Variants in UBAP1 observed in about 807,000 individuals in gnomAD.
The protein encoded by UBAP1 is ubiquitin-associated protein 1.
In UBAP1, 5 loss-of-function variants were observed where a neutral mutation model predicts 39.0. That is an observed-to-expected ratio of 0.13 (90% CI 0.07 to 0.27). UBAP1 has a LOEUF of 0.27. Ranked by LOEUF, UBAP1 falls within the 10% of genes least tolerant of loss-of-function variation. The pLI is 1.00. For synonymous variants in UBAP1, 211 were observed against 225.1 expected (o/e 0.94, Z 0.56); for missense variants, 490 against 608.1 (o/e 0.81, Z 2.04).
intron 3 of UBAP1, among the ~76,000 whole-genome samples, chr9:34,238,841 C>T (rs1479739492): frequency 6.6e-6 from 1 of 152,156 alleles, no homozygotes; most frequent in Non-Finnish European, 1.5e-5. Flanking sequence ...CACTGCTTTA[C>T]TGATGCCTTC....
chr9:34,183,202 T>C (rs1381657869), intron 1 of UBAP1, among the ~76,000 whole-genome samples: 1 of 152,194 alleles, frequency 6.6e-6, no homozygotes, highest in Non-Finnish European at 1.5e-5. Context: ...TGGTTTTCTT[T>C]AGACAGTCTT....
intron 1 of UBAP1, among the ~76,000 whole-genome samples, chr9:34,192,515 CA>C (rs4008753): frequency 0.018 from 1,912 of 107,310 alleles, 29 homozygotes; most frequent in African/African-American, 0.06. Flanking sequence ...GACTCCATCT[CA>C]AAAAAAAAAA....
chr9:34,194,856 T>C (rs1431797480), intron 1 of UBAP1, among the ~76,000 whole-genome samples: 2 of 152,212 alleles, frequency 1.3e-5, no homozygotes, highest in Admixed American at 6.5e-5. Context: ...ATACCAACTT[T>C]AGTAACACTG....
intron 1 of UBAP1, among the ~76,000 whole-genome samples, chr9:34,183,469 C>T (rs1036801896): frequency 6.6e-5 from 10 of 150,836 alleles, no homozygotes; most frequent in African/African-American, 1.2e-4. Flanking sequence ...GGCGTGAACC[C>T]GGCCACTCCA....
chr9:34,183,403 G>A (rs1241884287), intron 1 of UBAP1, among the ~76,000 whole-genome samples: 1 of 151,544 alleles, frequency 6.6e-6, no homozygotes. Flanking sequence ...AAATTAGCCG[G>A]GCGTGGTGGT....
rs1352367557 is a variant in UBAP1, at chr9:34,183,792, C to T, written c.-8+4552C>T. On this transcript the variant is annotated intron_variant, in intron 1 of 6. Transcript: ENST00000297661. The stretch of plus-strand genomic sequence containing the variant: ...TGTTTTTTGTTTTTTTTTTTTGAAA[C>T]GGAGCTTTGCTCTTGTTGCCCAGGC... Among the ~76,000 whole-genome samples the T allele has an allele frequency of 4.3e-5, 6 of 140,152 alleles. No homozygotes were observed. In the East Asian group the frequency reaches 6.4e-4, roughly 15 times the overall value. 91.9% of individuals were successfully genotyped at this position (140,152 alleles called of 152,430 possible). A position where few individuals can be genotyped will look rare whatever the true frequency, so the allele number is the denominator to read the frequency against.
intron 4 of UBAP1, among the ~76,000 whole-genome samples, chr9:34,246,228 G>A (rs1834171953): frequency 6.6e-6 from 1 of 152,114 alleles, no homozygotes; most frequent in African/African-American, 2.4e-5. Context: ...CACCACACCT[G>A]GCTAACTTTT....
At position 34,189,097 on chromosome 9, in the gene UBAP1, G is replaced by T. The variant is rs76533137; in HGVS notation, c.-8+9857G>T. On this transcript the variant is annotated intron_variant, in intron 1 of 6. Coordinates refer to ENST00000297661, the MANE Select transcript of UBAP1 (RefSeq NM_016525.5). Reference sequence around the variant, plus strand: ...TTCCTAATCCTAAAATCTTTCTATAGTTTGGGAGTGTTAACATTTCCTTCA... The same window carrying T: ...TTCCTAATCCTAAAATCTTTCTATATTTTGGGAGTGTTAACATTTCCTTCA... 1.9e-3 allele frequency among the ~76,000 whole-genome samples: 287 copies of T among 152,074 alleles called. 9 individuals carry two copies. In the East Asian group the frequency reaches 0.046, roughly 24 times the overall value.
rs1407561949 is a variant in UBAP1, at chr9:34,250,687, G to A, written c.1296G>A (p.Gln432=). The A allele has an allele frequency of 2.5e-6, 4 of 1,613,634 alleles. No homozygotes were observed. The Admixed American group carries it at 5.0e-5, about 20-fold the overall frequency. ...QILDYLFAHG[Q]LCEKGFDPLL... Reference sequence around the variant, plus strand: ...TCGACTATCTCTTTGCACATGGACAGCTTTGTGAGAAGGGCTTCGACCCTC... The same window carrying A: ...TCGACTATCTCTTTGCACATGGACAACTTTGTGAGAAGGGCTTCGACCCTC... Residue 432 remains glutamine, a synonymous_variant, in exon 6 of 7, where the codon CAG becomes CAA. Transcript: ENST00000297661.
chr9:34,213,928 C>CAA (rs551770576), intron 1 of UBAP1, among the ~76,000 whole-genome samples: 19,345 of 141,978 alleles, frequency 0.14, 1,331 homozygotes, highest in East Asian at 0.23. Context: ...ACAACAGCTG[C>CAA]AAAAAAAAAA....
chr9:34,209,994 G>A (rs1831927521), intron 1 of UBAP1, among the ~76,000 whole-genome samples: 2 of 152,114 alleles, frequency 1.3e-5, no homozygotes, highest in Admixed American at 1.3e-4. Context: ...TTTCCACAAT[G>A]TCAGGGCCTA....
chr9:34,249,915 A>T lies in UBAP1; in HGVS notation c.1220A>T (p.Glu407Val), dbSNP rs778956133. Residue 407 changes from glutamate to valine, a missense_variant, in exon 5 of 7, where the codon GAG (glutamate) becomes GTG (valine). Physicochemically the swap from Glu to Val is moderately radical, Grantham distance 121. This residue lies in a region of UBAP1 where 339 missense variants were observed against 390.0 expected (regional missense o/e 0.87). Transcript: ENST00000297661. ...ETVVNMGYSYECVLRAMKKKG... is the reference protein window; with the variant it reads ...ETVVNMGYSYVCVLRAMKKKG... ...GTGGTCAACATGGGCTACTCGTACG[A>T]GTGTGTCCTCAGAGCCATGAAGAAG... 1.9e-6 allele frequency: 3 copies of T among 1,614,204 alleles called. No individual in the cohort carries two copies. In the South Asian group the frequency reaches 3.3e-5, roughly 18 times the overall value.
chr9:34,187,180 T>C (rs1830451723), intron 1 of UBAP1, among the ~76,000 whole-genome samples: 1 of 152,262 alleles, frequency 6.6e-6, no homozygotes, highest in South Asian at 2.1e-4. Context: ...AGTGCTGGGA[T>C]TACAGGCGTG....
chr9:34,219,303 G>T (rs999478197), intron 1 of UBAP1, among the ~76,000 whole-genome samples: 1 of 151,928 alleles, frequency 6.6e-6, no homozygotes, highest in Non-Finnish European at 1.5e-5. Context: ...GCCCAGGCTG[G>T]TCTTCGAACT....
At chr9:34,180,991 G>T (rs1448619999) in intron 1 of UBAP1, among the ~76,000 whole-genome samples, 1 of 151,522 alleles carries the variant, frequency 6.6e-6, no homozygotes, top group East Asian at 1.9e-4. Flanking sequence ...TTGTATTTTA[G>T]TAGAGACGGG....
At chr9:34,190,565 C>T (rs1283653424) in intron 1 of UBAP1, among the ~76,000 whole-genome samples, 1 of 151,918 alleles carries the variant, frequency 6.6e-6, no homozygotes, top group Admixed American at 6.6e-5. Context: ...GCTGGGATTA[C>T]AGACTTGAGC....
intron 2 of UBAP1, among the ~76,000 whole-genome samples, chr9:34,225,267 G>A (rs1015239858): frequency 6.6e-6 from 1 of 151,960 alleles, no homozygotes; most frequent in African/African-American, 2.4e-5. Flanking sequence ...GTGCTGTGCT[G>A]TCTTTGACTA....
intron 1 of UBAP1, among the ~76,000 whole-genome samples, chr9:34,182,922 G>T (rs1465109211): frequency 6.6e-6 from 1 of 151,872 alleles, no homozygotes; most frequent in South Asian, 2.1e-4. Flanking sequence ...GTGTTATCCA[G>T]GATGGTCTCG....
chr9:34,197,917 T>G (rs1281309967), intron 1 of UBAP1, among the ~76,000 whole-genome samples: 1 of 152,218 alleles, frequency 6.6e-6, no homozygotes, highest in Non-Finnish European at 1.5e-5. Flanking sequence ...TAGTCACTTC[T>G]TTTAGTCTTT....
Sources: gnomAD v4.1 joint callset for allele counts (sites outside exome capture counted in the v4.1 genomes callset) on GRCh38, gnomAD v4.1.1 for gene constraint, gnomAD v4.1.1 regional missense constraint, MANE v1.5 for transcripts, NCBI Gene and HGNC (gene_info 2026-07-23, HGNC 2026-07-21) for gene names.